CDK15: variants seen among roughly 807,000 people sequenced by gnomAD.
The protein encoded by CDK15 is cyclin dependent kinase 15, also known as cyclin-dependent kinase 15.
CDK15 carries 62 observed loss-of-function variants against 60.3 expected under a neutral mutation model. The observed-to-expected ratio is 1.03, with a 90% CI of 0.84 to 1.27. The LOEUF (loss-of-function observed/expected upper bound fraction) is 1.27. Ranked by LOEUF, CDK15 falls within the 50% of genes most tolerant of loss-of-function variation. CDK15 has a pLI of 0.00. For synonymous variants in CDK15, 194 were observed against 195.7 expected (o/e 0.99, Z 0.07); for missense variants, 541 against 527.8 (o/e 1.03, Z -0.25).
chr2:201,858,416 C>T (rs930323369), intron 10 of CDK15, among the ~76,000 whole-genome samples: 1 of 136,538 alleles, frequency 7.3e-6, no homozygotes, highest in Non-Finnish European at 1.6e-5. Context: ...TCCCTTCTTT[C>T]CTTCCTTCTC....
intron 10 of CDK15, chr2:201,860,889 G>A: frequency 1.5e-6 from 2 of 1,349,956 alleles, no homozygotes; most frequent in South Asian, 2.3e-5. Context: ...GACAGAAGAT[G>A]ATTAAAATGA....
At chr2:201,872,194 GAGC>G (rs1459786869) in intron 10 of CDK15, 81 bp from the exon 11 acceptor site, 1 of 1,368,700 alleles carries the variant, frequency 7.3e-7, no homozygotes, top group Non-Finnish European at 1.0e-6. Context: ...AAGCCAAGAA[GAGC>G]ATTTAGAATT....
At position 201,860,633 on chromosome 2, in the gene CDK15, G is replaced by A. The variant is rs189101486; in HGVS notation, c.1009+5696G>A. 1,918 of 1,135,374 alleles carry A rather than the reference G, an allele frequency of 1.7e-3. 2 individuals carry two copies. The highest frequency in any genetic ancestry group is 2.1e-3 in the Non-Finnish European group (1,833 of 861,988). The allele number at this position is 1,135,374 out of a possible 1,614,324, so 70.3% of individuals were successfully genotyped here. A position where few individuals can be genotyped will look rare whatever the true frequency, so the allele number is the denominator to read the frequency against. ...AATGAAAATCAAAAGGCAGGAAAGC[G>A]GTACTAAAAGCCCTGCAGGGACCAG... On this transcript the variant is annotated intron_variant, in intron 10 of 13. Transcript: ENST00000652192.
intron 6 of CDK15, among the ~76,000 whole-genome samples, chr2:201,830,071 G>T (rs1028896330): frequency 1.3e-5 from 2 of 152,098 alleles, no homozygotes; most frequent in Non-Finnish European, 1.5e-5. Flanking sequence ...GCCTTCCAAA[G>T]TGCTGGGATT....
chr2:201,841,441 C>A (rs1697375191), intron 8 of CDK15, among the ~76,000 whole-genome samples: 1 of 152,130 alleles, frequency 6.6e-6, no homozygotes, highest in African/African-American at 2.4e-5. Context: ...TATTTGTTTA[C>A]CCTCAAAGTA....
At chr2:201,821,288 C>T (rs535275973) in intron 4 of CDK15, among the ~76,000 whole-genome samples, 1 of 152,000 alleles carries the variant, frequency 6.6e-6, no homozygotes, top group South Asian at 2.1e-4. Context: ...ATTGGCCAGC[C>T]CTGGGTCATA....
chr2:201,845,922 C>T (rs943341622), intron 8 of CDK15, among the ~76,000 whole-genome samples: 3 of 151,440 alleles, frequency 2.0e-5, no homozygotes, highest in Non-Finnish European at 2.9e-5. Flanking sequence ...ACTTTTAATA[C>T]TCAAAAGACT....
rs767127128 is a variant in CDK15 at position 201,812,510 on chromosome 2, A to G, written c.396A>G (p.Lys132=). ...SRINGQLVAL[K]VISMNAEEGV... The stretch of plus-strand genomic sequence containing the variant: ...TAAATGGACAACTAGTGGCTTTAAA[A>G]GTCATCAGCATGAATGCAGAGGAAG... Residue 132 remains lysine, a synonymous_variant, in exon 4 of 14, where the codon AAA becomes AAG. Coordinates refer to ENST00000652192, the MANE Select transcript of CDK15 (RefSeq NM_001366386.2). 5.0e-6 allele frequency: 8 copies of G among 1,613,224 alleles called. No homozygotes were observed. Among genetic ancestry groups the G allele is most frequent in the Non-Finnish European group, 6.8e-6 (8 of 1,179,418 alleles).
intron 10 of CDK15, among the ~76,000 whole-genome samples, chr2:201,856,468 C>T (rs1559137457): frequency 1.3e-5 from 2 of 152,144 alleles, no homozygotes; most frequent in Middle Eastern, 3.2e-3. Context: ...GAGTTTAACA[C>T]GTGAGAAAAA....
intron 10 of CDK15, among the ~76,000 whole-genome samples, chr2:201,869,528 T>C (rs1396300544): frequency 6.6e-6 from 1 of 150,382 alleles, no homozygotes; most frequent in Non-Finnish European, 1.5e-5. Flanking sequence ...TAAAGTACAA[T>C]AATGAAAAAA....
intron 6 of CDK15, 82 bp from the exon 7 acceptor site, chr2:201,833,766 T>G: frequency 7.0e-7 from 1 of 1,435,594 alleles, no homozygotes; most frequent in Non-Finnish European, 9.5e-7. Flanking sequence ...CTATATTCTT[T>G]GAGATGACTG....
intron 9 of CDK15, among the ~76,000 whole-genome samples, chr2:201,848,084 G>A (rs1183380494): frequency 2.0e-5 from 3 of 152,194 alleles, no homozygotes; most frequent in East Asian, 3.9e-4. Flanking sequence ...CTGTGACCAC[G>A]CCACTGCACT....
At chr2:201,855,993 A>AT (rs1698131730) in intron 10 of CDK15, among the ~76,000 whole-genome samples, 1 of 151,758 alleles carries the variant, frequency 6.6e-6, no homozygotes, top group Admixed American at 6.6e-5. Context: ...TGCCCAGCTA[A>AT]TTTTTTGTAT....
In CDK15 at chr2:201,894,088, CA is replaced by C. The variant is rs1699712913; in HGVS notation, c.*822del. 1 of 152,356 alleles carries C rather than the reference CA, an allele frequency of 6.6e-6. No homozygotes were observed. The highest frequency in any genetic ancestry group is 2.4e-5 in the African/African-American group (1 of 41,214). 9.4% of individuals were successfully genotyped at this position (152,356 alleles called of 1,614,324 possible). A position where few individuals can be genotyped will look rare whatever the true frequency, so the allele number is the denominator to read the frequency against. On this transcript the variant is annotated 3_prime_UTR_variant, in exon 14 of 14. Transcript: ENST00000652192. ...TGTTGCACCACCACACACACACACA[CA>C]CACACACACACACACACACACACAC... is the stretch of plus-strand genomic sequence containing the variant.
chr2:201,808,083 A>G (rs185638057), intron 3 of CDK15, 131 bp downstream of exon 3: 6,932 of 645,776 alleles, frequency 0.011, 47 homozygotes, highest in Non-Finnish European at 0.014. Flanking sequence ...CATGGCCGAC[A>G]GGGAGAGAGA....
chr2:201,840,072 C>T (rs565597072), intron 8 of CDK15, among the ~76,000 whole-genome samples: 1 of 152,118 alleles, frequency 6.6e-6, no homozygotes, highest in African/African-American at 2.4e-5. Context: ...GCAACCTCCA[C>T]CTCCTGGGTT....
In CDK15 at chr2:201,855,012, G is replaced by A. The variant is rs1431982482; in HGVS notation, c.1009+75G>A. The A allele has an allele frequency of 5.9e-5, 81 of 1,375,912 alleles. 1 individual carries two copies. Among genetic ancestry groups the A allele is most frequent in the Non-Finnish European group, 7.1e-5 (69 of 967,390 alleles). The allele number at this position is 1,375,912 out of a possible 1,614,324, so 85.2% of individuals were successfully genotyped here. On this transcript the variant is annotated intron_variant, in intron 10 of 13. Transcript: ENST00000652192. ...AGAGCATTGGCCACGCTAACAGGGC[G>A]TTCTTGTATTGTGAACTCAGCGGCA...
At chr2:201,814,640 A>G (rs1695914225) in intron 4 of CDK15, among the ~76,000 whole-genome samples, 1 of 152,114 alleles carries the variant, frequency 6.6e-6, no homozygotes, top group Non-Finnish European at 1.5e-5. Flanking sequence ...GCTGGAGTTC[A>G]TTAGCTAAAA....
chr2:201,835,990 A>G (rs1481019609), intron 8 of CDK15, among the ~76,000 whole-genome samples: 7 of 24,382 alleles, frequency 2.9e-4, no homozygotes, highest in Admixed American at 1.7e-3. Context: ...ATTTTTATAT[A>G]TTTATATATA....
Sources: allele counts gnomAD v4.1 joint callset (sites outside exome capture counted in the v4.1 genomes callset), GRCh38; gene constraint gnomAD v4.1.1; transcripts MANE v1.5; gene names NCBI Gene and HGNC (gene_info 2026-07-23, HGNC 2026-07-21).